The following PARD3 variants were observed in gnomAD, a reference collection of about 807,000 sequenced individuals.
The protein encoded by PARD3 is partitioning defective 3 homolog.
A neutral mutation model predicts 155.4 loss-of-function variants in PARD3; 75 were observed. The ratio of observed to expected loss-of-function variants is 0.48; its 90% CI spans 0.40 to 0.58. The LOEUF is 0.58. Among genes scored for constraint, PARD3 ranks in the 20% least tolerant of loss-of-function variants. PARD3 has a pLI of 0.00. For synonymous variants in PARD3, 576 were observed against 610.5 expected (o/e 0.94, Z 0.83); for missense variants, 1,642 against 1,721.7 (o/e 0.95, Z 0.82).
At position 34,649,712 on chromosome 10, in the gene PARD3, T is replaced by C. The variant is rs576277220; in HGVS notation, c.222+46606A>G. Among the ~76,000 whole-genome samples, 4 of 152,364 alleles carry C rather than the reference T, an allele frequency of 2.6e-5. No homozygotes were observed. In the South Asian group the frequency reaches 8.3e-4, roughly 32 times the overall value. ...GCTACACTACATTTTCTAAAGATTCTTTCTTCCACAATAAATTAAACTTAG... is the reference window on the plus strand; with the variant it reads ...GCTACACTACATTTTCTAAAGATTCCTTCTTCCACAATAAATTAAACTTAG... On this transcript the variant is annotated intron_variant, in intron 2 of 24. Transcript: ENST00000374788.
At chr10:34,778,643 A>G (rs1839886649) in intron 1 of PARD3, among the ~76,000 whole-genome samples, 3 of 147,782 alleles carry the variant, frequency 2.0e-5, no homozygotes, top group Non-Finnish European at 1.5e-5. Context: ...ACTGTTCAGA[A>G]GATCTACACA....
chr10:34,530,801 AG>A (rs2082793943), intron 2 of PARD3, among the ~76,000 whole-genome samples: 1 of 152,142 alleles, frequency 6.6e-6, no homozygotes, highest in African/African-American at 2.4e-5. Flanking sequence ...TCCTTTCCAA[AG>A]GGTACTGTGT....
chr10:34,379,576 T>G (rs1841616902), intron 9 of PARD3, among the ~76,000 whole-genome samples: 1 of 152,144 alleles, frequency 6.6e-6, no homozygotes, highest in Non-Finnish European at 1.5e-5. Flanking sequence ...CTAACTTTTT[T>G]GAACTATGAA....
intron 14 of PARD3, among the ~76,000 whole-genome samples, chr10:34,351,079 G>T (rs1246365740): frequency 1.3e-5 from 2 of 152,164 alleles, no homozygotes; most frequent in Non-Finnish European, 2.9e-5. Flanking sequence ...TCCGTTTGTT[G>T]TGAGTATGCA....
At chr10:34,142,038 A>G (rs545622019) in intron 22 of PARD3, among the ~76,000 whole-genome samples, 4 of 152,312 alleles carry the variant, frequency 2.6e-5, no homozygotes, top group African/African-American at 9.6e-5. Context: ...AAGAGTGACT[A>G]TTGTGAGAAT....
At chr10:34,420,252 T>G (rs1294900523) in intron 5 of PARD3, among the ~76,000 whole-genome samples, 2 of 152,216 alleles carry the variant, frequency 1.3e-5, no homozygotes, top group African/African-American at 2.4e-5. Flanking sequence ...TAATGGACAC[T>G]TAAGCCTGTT....
intron 1 of PARD3, among the ~76,000 whole-genome samples, chr10:34,753,774 A>T (rs1185302285): frequency 4.6e-5 from 7 of 152,180 alleles, no homozygotes; most frequent in African/African-American, 7.2e-5. Flanking sequence ...GGAGAGAAGC[A>T]GAGAATCACA....
intron 22 of PARD3, among the ~76,000 whole-genome samples, chr10:34,235,025 TTATC>T (rs966710430): frequency 1.4e-4 from 21 of 152,226 alleles, no homozygotes; most frequent in Non-Finnish European, 2.5e-4. Flanking sequence ...TAAATTTTCC[TTATC>T]TATTTGCCAA....
Position 34,658,169 on chromosome 10 carries a change from A to T in PARD3, c.222+38149T>A, listed in dbSNP as rs111995936. Among the ~76,000 whole-genome samples the T allele has an allele frequency of 9.5e-3, 1,448 of 152,076 alleles. 27 individuals are homozygous for T. Among genetic ancestry groups the T allele is most frequent in the African/African-American group, 0.033 (1,379 of 41,494 alleles). ...TCAAAAAAAAAAAAAAGAATCCACA[A>T]CATAAGTGGATTTATTCAAATGTTT... On this transcript the variant is annotated intron_variant, in intron 2 of 24. Coordinates refer to ENST00000374788, the MANE Select transcript of PARD3 (RefSeq NM_001184785.2).
chr10:34,136,419 A>G (rs977674410), intron 22 of PARD3, among the ~76,000 whole-genome samples: 2 of 152,232 alleles, frequency 1.3e-5, no homozygotes, highest in African/African-American at 4.8e-5. Flanking sequence ...TGCATTTTTA[A>G]TTATGCAAAA....
intron 22 of PARD3, among the ~76,000 whole-genome samples, chr10:34,174,958 T>C (rs1045647925): frequency 1.3e-5 from 2 of 152,212 alleles, no homozygotes; most frequent in Non-Finnish European, 1.5e-5. Context: ...TTAAGATTCA[T>C]TGTATTTTTT....
chr10:34,325,244 A>C (rs1490913903), intron 19 of PARD3, among the ~76,000 whole-genome samples: 1 of 152,112 alleles, frequency 6.6e-6, no homozygotes, highest in Non-Finnish European at 1.5e-5. Context: ...TCCTGATCTC[A>C]AGTGATCCAC....
At chr10:34,635,945 C>T (rs1385703584) in intron 2 of PARD3, among the ~76,000 whole-genome samples, 5 of 151,838 alleles carry the variant, frequency 3.3e-5, no homozygotes, top group African/African-American at 1.2e-4. Flanking sequence ...GCCTGGACAC[C>T]TCCCACCCCA....
At chr10:34,487,703 T>C (rs903173789) in intron 3 of PARD3, among the ~76,000 whole-genome samples, 15 of 152,116 alleles carry the variant, frequency 9.9e-5, no homozygotes, top group African/African-American at 3.6e-4. Flanking sequence ...GACTCCCTTA[T>C]GAGAATATCT....
At chr10:34,281,684 T>C (rs1956166058) in intron 21 of PARD3, among the ~76,000 whole-genome samples, 1 of 152,122 alleles carries the variant, frequency 6.6e-6, no homozygotes, top group African/African-American at 2.4e-5. Flanking sequence ...ATCTTAACAT[T>C]GAAGAAAAAA....
At chr10:34,432,041 C>CTAAAAAAAAAAAAAA (rs2075952631) in intron 5 of PARD3, among the ~76,000 whole-genome samples, 1 of 21,596 alleles carries the variant, frequency 4.6e-5, no homozygotes, top group Non-Finnish European at 9.6e-5. Context: ...GACTCTGTCT[C>CTAAAAAAAAAAAAAA]AAAAAAAAAA....
chr10:34,236,693 A>C (rs1953254615), intron 22 of PARD3, among the ~76,000 whole-genome samples: 1 of 152,172 alleles, frequency 6.6e-6, no homozygotes. Context: ...CAGATGTCCA[A>C]ATCTCTTAAA....
At chr10:34,697,782 C>A (rs2094203047) in intron 1 of PARD3, among the ~76,000 whole-genome samples, 1 of 151,600 alleles carries the variant, frequency 6.6e-6, no homozygotes. Context: ...CACACACACA[C>A]ACACACACAC....
chr10:34,232,748 G>A (rs934501406), intron 22 of PARD3, among the ~76,000 whole-genome samples: 1 of 152,028 alleles, frequency 6.6e-6, no homozygotes, highest in East Asian at 1.9e-4. Context: ...TTGCCCAAGC[G>A]GGAGTGCAAT....
Sources: allele counts gnomAD v4.1 joint callset (sites outside exome capture counted in the v4.1 genomes callset), GRCh38; gene constraint gnomAD v4.1.1; transcripts MANE v1.5; gene names NCBI Gene and HGNC (gene_info 2026-07-23, HGNC 2026-07-21).